Variants in STRBP observed in about 807,000 individuals in gnomAD.
STRBP encodes spermatid perinuclear RNA binding protein.
STRBP carries 13 observed loss-of-function variants against 80.1 expected under a neutral mutation model. The observed-to-expected ratio is 0.16, with a 90% CI of 0.11 to 0.26. STRBP has a LOEUF of 0.26. Ranked by LOEUF, STRBP falls within the 10% of genes least tolerant of loss-of-function variation. STRBP has a pLI of 1.00. For synonymous variants in STRBP, 284 were observed against 291.2 expected (o/e 0.98, Z 0.25); for missense variants, 485 against 815.2 (o/e 0.59, Z 4.93).
Position 123,132,938 on chromosome 9 carries a change from C to T in STRBP, c.1804G>A (p.Ala602Thr). ...AKGVVNTAVS[A>T]AVQAVRGRGR... is the part of the protein sequence containing the mutation. The stretch of plus-strand genomic sequence containing the variant: ...CTGCCCCGAACAGCTTGGACTGCTG[C>T]AGACACAGCTGTATTCACAACGCCC... The change falls in exon 17 of 19, where the codon GCA (alanine) becomes ACA (threonine). Residue 602 changes from alanine to threonine, a missense_variant. Physicochemically the swap from Ala to Thr is moderately conservative, Grantham distance 58 (BLOSUM62 0). Around this residue, in one of 3 missense-constraint regions of STRBP, gnomAD observed 85 missense variants for 120.1 expected, o/e 0.71. Coordinates refer to ENST00000348403, the MANE Select transcript of STRBP (RefSeq NM_018387.5). 1.9e-6 allele frequency: 3 copies of T among 1,614,100 alleles called. No individual in the cohort carries two copies. Among genetic ancestry groups the T allele is most frequent in the Non-Finnish European group, 2.5e-6 (3 of 1,179,980 alleles).
At chr9:123,111,698 CTT>C (rs1404249336) in intron 3 of STRBP, 2 of 448,716 alleles carry the variant, frequency 4.5e-6, no homozygotes, top group Non-Finnish European at 9.1e-6. Context: ...GCTGCATTCT[CTT>C]TACCCAGTGT....
chr9:123,114,096 A>G (rs1281965671), intron 3 of STRBP: 1 of 167,216 alleles, frequency 6.0e-6, no homozygotes, highest in South Asian at 2.1e-4. Flanking sequence ...TGCAGCTAAG[A>G]GACACCTGGC....
downstream of STRBP, among the ~76,000 whole-genome samples, chr9:123,117,638 C>T (rs1459185976): frequency 6.6e-6 from 1 of 152,238 alleles, no homozygotes; most frequent in African/African-American, 2.4e-5. Flanking sequence ...CTACTGAGTA[C>T]TCGTCCAGGG....
intron 6 of STRBP, among the ~76,000 whole-genome samples, chr9:123,162,208 A>G (rs1022365582): frequency 6.7e-6 from 1 of 148,704 alleles, no homozygotes; most frequent in Non-Finnish European, 1.5e-5. Flanking sequence ...ACAACAATCA[A>G]TGTTTATTCT....
intron 2 of STRBP, among the ~76,000 whole-genome samples, chr9:123,197,364 T>C (rs1296564312): frequency 6.6e-6 from 1 of 152,190 alleles, no homozygotes; most frequent in Non-Finnish European, 1.5e-5. Flanking sequence ...TTTATTTCAA[T>C]TCCTTTTGGG....
chr9:123,166,646 C>G (rs1398560616), intron 6 of STRBP, among the ~76,000 whole-genome samples: 1 of 151,960 alleles, frequency 6.6e-6, no homozygotes, highest in East Asian at 1.9e-4. Flanking sequence ...CCCAGCTACT[C>G]AGGGGGCTGA....
chr9:123,159,729 G>A (rs2037443449), intron 8 of STRBP, among the ~76,000 whole-genome samples: 1 of 152,130 alleles, frequency 6.6e-6, no homozygotes, highest in Admixed American at 6.5e-5. Flanking sequence ...AGTAATCATT[G>A]CTACATTCAT....
At chr9:123,117,969 TAAATGA>T (rs1399399532), downstream of STRBP, among the ~76,000 whole-genome samples, 4 of 152,188 alleles carry the variant, frequency 2.6e-5, no homozygotes. Context: ...ACAACCAATT[TAAATGA>T]AAAGAGCCCT....
chr9:123,189,044 G>A (rs2038814923), intron 2 of STRBP, among the ~76,000 whole-genome samples: 2 of 152,132 alleles, frequency 1.3e-5, no homozygotes, highest in Admixed American at 1.3e-4. Context: ...CAATAGCAAA[G>A]ACTTGGAACC....
At chr9:123,238,887 G>A (rs917653462) in intron 1 of STRBP, among the ~76,000 whole-genome samples, 2 of 152,012 alleles carry the variant, frequency 1.3e-5, no homozygotes, top group Non-Finnish European at 2.9e-5. Context: ...TAAATTCCAC[G>A]TTAGAATGCC....
chr9:123,182,217 TAA>T (rs10546358), intron 3 of STRBP, among the ~76,000 whole-genome samples: 536 of 69,490 alleles, frequency 7.7e-3, no homozygotes, highest in African/African-American at 0.013. Context: ...TCCGTTTCTT[TAA>T]AAAAAAAAAA....
chr9:123,241,614 G>T (rs2040696750), intron 1 of STRBP, among the ~76,000 whole-genome samples: 1 of 150,534 alleles, frequency 6.6e-6, no homozygotes, highest in Non-Finnish European at 1.5e-5. Context: ...ATCCAACCAA[G>T]TTTTAAAAGA....
At chr9:123,261,733 A>C (rs1364742417) in intron 1 of STRBP, among the ~76,000 whole-genome samples, 1 of 152,176 alleles carries the variant, frequency 6.6e-6, no homozygotes, top group Non-Finnish European at 1.5e-5. Flanking sequence ...AAACAACCGA[A>C]AATATTCACA....
At chr9:123,235,361 A>T (rs2040526051) in intron 2 of STRBP, among the ~76,000 whole-genome samples, 1 of 151,606 alleles carries the variant, frequency 6.6e-6, no homozygotes, top group South Asian at 2.1e-4. Flanking sequence ...AGAGATACAG[A>T]TAACTGTATC....
At chr9:123,268,171 A>G (rs1222389371) in intron 1 of STRBP, among the ~76,000 whole-genome samples, 1 of 151,554 alleles carries the variant, frequency 6.6e-6, no homozygotes, top group Non-Finnish European at 1.5e-5. Flanking sequence ...GTCCCCGCGA[A>G]GGTGAGGAAG....
rs202130005 is a variant in STRBP, at chr9:123,132,915, G to A, written c.1827C>T (p.Gly609=). 6.2e-7 allele frequency: 1 copy of A among 1,614,094 alleles called. No homozygotes were observed. Among genetic ancestry groups the A allele is most frequent in the East Asian group, 2.2e-5 (1 of 44,874 alleles). ...AVSAAVQAVR[G]RGRGTLTRGA... The stretch of plus-strand genomic sequence containing the variant: ...CCCTTGTTAGAGTTCCTCTTCCTCT[G>A]CCCCGAACAGCTTGGACTGCTGCAG... Residue 609 remains glycine (G), a synonymous_variant, in exon 17 of 19, where the codon GGC becomes GGT. Transcript: ENST00000348403.
chr9:123,200,734 ATT>A (rs71390418), intron 2 of STRBP, among the ~76,000 whole-genome samples: 611 of 37,446 alleles, frequency 0.016, 20 homozygotes, highest in East Asian at 0.091. Flanking sequence ...CACCCCGCTA[ATT>A]TTTTTTTTTT....
At position 123,254,324 on chromosome 9, in the gene STRBP, G is replaced by A. The variant is rs1245132034; in HGVS notation, c.-302+14112C>T. 3.3e-5 allele frequency among the ~76,000 whole-genome samples: 5 copies of A among 152,146 alleles called. No individual in the cohort carries two copies. The East Asian group carries it at 5.8e-4, about 18-fold the overall frequency. ...AAAACACAAAAACTTAGCCGGGCGTGGTGGCGGGCACCTGTAGTCCCAGCT... is the reference window on the plus strand; with the variant it reads ...AAAACACAAAAACTTAGCCGGGCGTAGTGGCGGGCACCTGTAGTCCCAGCT... On this transcript the variant is annotated intron_variant, in intron 1 of 18. Transcript: ENST00000348403.
rs532457634 is a variant in STRBP, at chr9:123,239,180, C to A, written c.-301-2214G>T. 7.9e-5 allele frequency among the ~76,000 whole-genome samples: 12 copies of A among 152,270 alleles called. No individual in the cohort carries two copies. In the East Asian group the frequency reaches 2.1e-3, roughly 27 times the overall value. The stretch of plus-strand genomic sequence containing the variant: ...CATGAGGTCAGGAGATTGAGACCAT[C>A]CTGGCTAACACGGTGAAACCCTGTC... On this transcript the variant is annotated intron_variant, in intron 1 of 18. Coordinates refer to ENST00000348403, the MANE Select transcript of STRBP (RefSeq NM_018387.5).
Sources: gnomAD v4.1 joint callset for allele counts (sites outside exome capture counted in the v4.1 genomes callset) on GRCh38, gnomAD v4.1.1 for gene constraint, gnomAD v4.1.1 regional missense constraint, MANE v1.5 for transcripts, NCBI Gene and HGNC (gene_info 2026-07-23, HGNC 2026-07-21) for gene names.